Variants in KIZ observed in about 807,000 individuals in gnomAD.
KIZ encodes centrosomal protein kizuna.
In KIZ, 68 loss-of-function variants were observed where a neutral mutation model predicts 79.6. That is an observed-to-expected ratio of 0.85 (90% CI 0.70 to 1.05). The LOEUF (loss-of-function observed/expected upper bound fraction) is 1.05, where lower values mean the gene tolerates loss of function less well. KIZ is among the 50% of genes least tolerant of loss of function. The pLI, the probability that KIZ is intolerant of heterozygous loss-of-function variation, is 0.00. For missense variants in KIZ, 797 were observed against 800.4 expected, an observed-to-expected ratio of 1.00 and a Z score of 0.05; for synonymous variants, 280 against 281.8, an observed-to-expected ratio of 0.99 and a Z score of 0.06.
intron 3 of KIZ, among the ~76,000 whole-genome samples, chr20:21,137,317 C>G (rs1158793708): frequency 6.6e-6 from 1 of 152,056 alleles, no homozygotes; most frequent in Non-Finnish European, 1.5e-5. Flanking sequence ...TCCTGCTGCT[C>G]CACAAATTAT....
chr20:21,237,121 G>A (rs2037039635), intron 11 of KIZ, among the ~76,000 whole-genome samples: 2 of 151,762 alleles, frequency 1.3e-5, no homozygotes, highest in Admixed American at 6.6e-5. Flanking sequence ...GGCCAACATG[G>A]CAAAACCCTA....
chr20:21,245,795 A>C (rs1453589154), intron 12 of KIZ: 1 of 152,284 alleles, frequency 6.6e-6, no homozygotes, highest in African/African-American at 2.4e-5. Flanking sequence ...AGCAACCCTC[A>C]ACCAACAGAG....
At chr20:21,209,041 T>C (rs2035956258) in intron 7 of KIZ, among the ~76,000 whole-genome samples, 1 of 152,118 alleles carries the variant, frequency 6.6e-6, no homozygotes, top group East Asian at 1.9e-4. Flanking sequence ...TGGTTAAGAG[T>C]CTAATGAAGC....
chr20:21,206,553 AGCCATCCTGAG>A (rs1172349036), intron 7 of KIZ, among the ~76,000 whole-genome samples: 1 of 152,244 alleles, frequency 6.6e-6, no homozygotes, highest in African/African-American at 2.4e-5. Context: ...CAGGCAACAG[AGCCATCCTGAG>A]GCTGAAGCAT....
At chr20:21,172,478 G>A (rs1365877810) in intron 6 of KIZ, among the ~76,000 whole-genome samples, 15 of 152,120 alleles carry the variant, frequency 9.9e-5, no homozygotes, top group African/African-American at 3.4e-4. Context: ...GGTGGCGCAC[G>A]CTTGAGCTAT....
Position 21,215,589 on chromosome 20 carries a change from CA to C in KIZ, c.1621del (p.Ser541ValfsTer27). 1 of 1,591,956 alleles carries C rather than the reference CA, an allele frequency of 6.3e-7. No individual in the cohort carries two copies. Among genetic ancestry groups the C allele is most frequent in the Non-Finnish European group, 8.6e-7 (1 of 1,163,896 alleles). On this transcript the variant is annotated frameshift_variant, in exon 9 of 13. Transcript: ENST00000619189. LOFTEE classifies it high-confidence loss of function. Reference protein sequence around the residue: ...NSVPTREQEVSSGCGDKSKKE... With the variant: ...NSVPTREQEVXSGCGDKSKKE... ...TTATGCATTCAATTTTTAGAAGTTT[CA>C]AGTGGCTGTGGAGACAAGAGCAAGA...
chr20:21,133,261 A>G (rs1423844435), intron 2 of KIZ: 2 of 152,244 alleles, frequency 1.3e-5, no homozygotes, highest in Non-Finnish European at 2.9e-5. Context: ...TGTACTTCCA[A>G]AGCTTCCAGT....
chr20:21,189,833 C>T (rs2035038285), intron 6 of KIZ, among the ~76,000 whole-genome samples: 2 of 152,154 alleles, frequency 1.3e-5, no homozygotes. Flanking sequence ...CCGTGGTCGC[C>T]TCGCTGTGCT....
rs193265292 is a variant in KIZ at position 21,200,624 on chromosome 20, G to A, written c.1353-4867G>A. On this transcript the variant is annotated intron_variant, in intron 6 of 12. Transcript: ENST00000619189. ...CACAATAGGGTTCATGCTCCTATAA[G>A]AATCTAATGCTCCCCCTGATCTGAC... Among the ~76,000 whole-genome samples, 26 of 151,968 alleles carry A rather than the reference G, an allele frequency of 1.7e-4. No homozygotes were observed. The East Asian group carries it at 4.1e-3, about 24-fold the overall frequency.
intron 4 of KIZ, among the ~76,000 whole-genome samples, chr20:21,154,355 CTCT>C (rs1177334525): frequency 6.6e-6 from 1 of 152,112 alleles, no homozygotes; most frequent in Admixed American, 6.5e-5. Flanking sequence ...ACTTGTTGAT[CTCT>C]TCTTATGCTC....
intron 9 of KIZ, chr20:21,218,659 C>G (rs2036392836): frequency 6.6e-6 from 1 of 152,182 alleles, no homozygotes; most frequent in African/African-American, 2.4e-5. Flanking sequence ...TAATAGCCAA[C>G]AGAATTAATG....
chr20:21,180,911 A>G (rs1384297346), intron 6 of KIZ, among the ~76,000 whole-genome samples: 1 of 152,208 alleles, frequency 6.6e-6, no homozygotes, highest in Non-Finnish European at 1.5e-5. Flanking sequence ...TGGAGCACAG[A>G]CAAGCCCTAC....
At chr20:21,170,780 T>G (rs1460328799) in intron 6 of KIZ, among the ~76,000 whole-genome samples, 5 of 152,156 alleles carry the variant, frequency 3.3e-5, no homozygotes, top group Non-Finnish European at 7.4e-5. Flanking sequence ...TCCACTACAC[T>G]TCCCAGCCTC....
chr20:21,169,964 C>G (rs2034130454), intron 6 of KIZ, among the ~76,000 whole-genome samples: 1 of 152,110 alleles, frequency 6.6e-6, no homozygotes. Context: ...TTTATCCATT[C>G]ACCTACTGAA....
intron 6 of KIZ, among the ~76,000 whole-genome samples, chr20:21,201,595 G>A (rs929227785): frequency 2.6e-5 from 4 of 152,028 alleles, no homozygotes; most frequent in Non-Finnish European, 2.9e-5. Flanking sequence ...TAGGAAATAC[G>A]GATACATTTG....
chr20:21,134,693 G>T (rs1232739883), intron 2 of KIZ, among the ~76,000 whole-genome samples: 3 of 144,276 alleles, frequency 2.1e-5, no homozygotes, highest in South Asian at 2.2e-4. Context: ...CCAAGACAGG[G>T]TCTTGCTCTG....
intron 11 of KIZ, among the ~76,000 whole-genome samples, chr20:21,235,409 G>T (rs2123466093): frequency 6.6e-6 from 1 of 152,186 alleles, no homozygotes; most frequent in East Asian, 1.9e-4. Context: ...CATTGTATTT[G>T]CTTCAGCAAA....
intron 6 of KIZ, among the ~76,000 whole-genome samples, chr20:21,199,110 A>G (rs188651660): frequency 1.4e-4 from 21 of 152,254 alleles, no homozygotes; most frequent in Admixed American, 1.2e-3. Context: ...AAACTAAATG[A>G]TTCATTTTGT....
intron 6 of KIZ, among the ~76,000 whole-genome samples, chr20:21,181,368 T>TA (rs905611924): frequency 1.9e-4 from 29 of 152,348 alleles, no homozygotes; most frequent in African/African-American, 7.0e-4. Context: ...GGAGACATGT[T>TA]AGGGGCAGGA....
Sources: allele counts gnomAD v4.1 joint callset (sites outside exome capture counted in the v4.1 genomes callset), GRCh38; gene constraint gnomAD v4.1.1; transcripts MANE v1.5; gene names NCBI Gene and HGNC (gene_info 2026-07-23, HGNC 2026-07-21).